HNRNPA1L2: variants seen among roughly 807,000 people sequenced by gnomAD.
HNRNPA1L2 encodes the protein heterogeneous nuclear ribonucleoprotein A1-like 2.
A neutral mutation model predicts 18.2 loss-of-function variants in HNRNPA1L2; 10 were observed. The ratio of observed to expected loss-of-function variants is 0.55; its 90% CI spans 0.34 to 0.93. The LOEUF (loss-of-function observed/expected upper bound fraction) is 0.93. Among genes scored for constraint, HNRNPA1L2 ranks in the 40% least tolerant of loss-of-function variants. HNRNPA1L2 has a pLI of 0.02. For missense variants in HNRNPA1L2, 308 were observed against 394.4 expected (o/e 0.78, Z 1.85); for synonymous variants, 124 against 138.6 (o/e 0.89, Z 0.74).
the HNRNPA1L2 span, among the ~76,000 whole-genome samples, chr13:52,628,476 A>T: frequency 6.6e-6 from 1 of 152,142 alleles, no homozygotes; most frequent in Non-Finnish European, 1.5e-5. Flanking sequence ...AAAGAAAACC[A>T]TAAATATCTG....
the HNRNPA1L2 span, among the ~76,000 whole-genome samples, chr13:52,633,529 G>GT: frequency 6.6e-6 from 1 of 152,152 alleles, no homozygotes; most frequent in Non-Finnish European, 1.5e-5. Context: ...ATAGAAGTTA[G>GT]TTTTTTGGAT....
At chr13:52,639,896 G>GTTTTTTTTTT (rs1199414232), upstream of HNRNPA1L2, among the ~76,000 whole-genome samples, 3 of 70,704 alleles carry the variant, frequency 4.2e-5, no homozygotes, top group African/African-American at 1.8e-4. Context: ...TTTTTTTTTT[G>GTTTTTTTTTT]TTTTTTTTTT....
At chr13:52,619,935 A>G in the HNRNPA1L2 span, among the ~76,000 whole-genome samples, 8 of 151,216 alleles carry the variant, frequency 5.3e-5, no homozygotes, top group Admixed American at 4.6e-4. Context: ...AAAAAAAAAA[A>G]AAAAAAAAGA....
the HNRNPA1L2 span, among the ~76,000 whole-genome samples, chr13:52,619,648 G>A: frequency 2.6e-5 from 4 of 151,974 alleles, no homozygotes; most frequent in South Asian, 2.1e-4. Context: ...TAGGCTGGGC[G>A]TGGTGGCTCA....
At chr13:52,640,594 G>A (rs1961626624), upstream of HNRNPA1L2, among the ~76,000 whole-genome samples, 1 of 152,176 alleles carries the variant, frequency 6.6e-6, no homozygotes, top group Non-Finnish European at 1.5e-5. Flanking sequence ...CATGTATTGG[G>A]TAAGGTATCA....
chr13:52,635,831 G>GTTT, the HNRNPA1L2 span, among the ~76,000 whole-genome samples: 27 of 131,772 alleles, frequency 2.0e-4, 1 homozygote, highest in Admixed American at 3.2e-4. Flanking sequence ...CTGTATTACT[G>GTTT]TTTTTTTTTT....
chr13:52,642,660 CTTTGGG>C lies in HNRNPA1L2; in HGVS notation c.173_178del (p.Gly58_Phe59del). The C allele has an allele frequency of 1.2e-6, 2 of 1,611,154 alleles. No homozygotes were observed. The highest frequency in any genetic ancestry group is 1.7e-6 in the Non-Finnish European group (2 of 1,179,844). On this transcript the variant is annotated inframe_deletion, in exon 1 of 1. Coordinates refer to ENST00000357495, the MANE Select transcript of HNRNPA1L2 (RefSeq NM_001389320.1). ...ATCCAAACACCAAGCGCTCCAGGGG[CTTTGGG>C]TTTGTCACATATGCCACTGTGGAGG...
chr13:52,633,191 A>G, the HNRNPA1L2 span, among the ~76,000 whole-genome samples: 18 of 152,246 alleles, frequency 1.2e-4, no homozygotes, highest in African/African-American at 3.9e-4. Context: ...ACATAAAGAC[A>G]TAGTGGTTCC....
At position 52,642,864 on chromosome 13, in the gene HNRNPA1L2, T is replaced by C. The variant is rs201409236; in HGVS notation, c.372T>C (p.Tyr124=). Residue 124 remains tyrosine, a synonymous_variant, in exon 1 of 1, where the codon TAT becomes TAC. Coordinates refer to ENST00000357495, the MANE Select transcript of HNRNPA1L2 (RefSeq NM_001389320.1). The part of the protein sequence containing the change: ...EDTEEHHLRD[Y]FEQYGKIEVI... ...CTGAAGAACATCACCTAAGAGATTA[T>C]TTTGAACAGTATGGAAAAATTGAAG... 2,712 of 1,596,600 alleles carry C rather than the reference T, an allele frequency of 1.7e-3. 3 individuals carry two copies. The highest frequency in any genetic ancestry group is 3.6e-3 in the Middle Eastern group (16 of 4,446).
chr13:52,640,266 C>T (rs1961616637), upstream of HNRNPA1L2, among the ~76,000 whole-genome samples: 1 of 152,142 alleles, frequency 6.6e-6, no homozygotes, highest in Admixed American at 6.5e-5. Context: ...AATGCAAATT[C>T]TTTGGTTACA....
chr13:52,637,462 A>G (rs1961496260), upstream of HNRNPA1L2: 2 of 246,214 alleles, frequency 8.1e-6, no homozygotes, highest in Non-Finnish European at 8.1e-6. Context: ...TGTTAATTCC[A>G]GGGGTTATAA....
At chr13:52,617,639 G>A in the HNRNPA1L2 span, 1 of 470,036 alleles carries the variant, frequency 2.1e-6, no homozygotes, top group Admixed American at 3.6e-5. Context: ...GGAGACATCA[G>A]CGGCTGCAAT....
At chr13:52,621,870 A>G in the HNRNPA1L2 span, 4 of 138,528 alleles carry the variant, frequency 2.9e-5, no homozygotes, top group Admixed American at 2.8e-4. Flanking sequence ...TATGGTTGTT[A>G]ATAATTATAA....
At position 52,642,722 on chromosome 13, in the gene HNRNPA1L2, A is replaced by T. The variant is rs373926075; in HGVS notation, c.230A>T (p.His77Leu). Residue 77 changes from histidine (H) to leucine (L), a missense_variant, in exon 1 of 1, where the codon CAC becomes CTC. By Grantham distance (99) the His-to-Leu change is moderately conservative. Transcript: ENST00000357495. ...EVDAAMNTTP[H>L]KVDGRVVEPK... is the part of the protein sequence containing the mutation. ...GATGCAGCTATGAATACAACGCCAC[A>T]CAAGGTGGATGGAAGAGTTGTGGAA... 8.7e-6 allele frequency: 14 copies of T among 1,603,404 alleles called. No individual in the cohort carries two copies. In the African/African-American group the frequency reaches 1.6e-4, roughly 18 times the overall value.
the HNRNPA1L2 span, among the ~76,000 whole-genome samples, chr13:52,633,002 A>G: frequency 6.6e-6 from 1 of 152,214 alleles, no homozygotes; most frequent in Non-Finnish European, 1.5e-5. Context: ...GAGACATACC[A>G]CACTACAGTT....
the HNRNPA1L2 span, among the ~76,000 whole-genome samples, chr13:52,636,408 A>T: frequency 1.3e-5 from 2 of 152,242 alleles, no homozygotes; most frequent in South Asian, 4.1e-4. Context: ...TGGTCGGAAT[A>T]TGGCTCATTT....
At position 52,643,187 on chromosome 13, in the gene HNRNPA1L2, G is replaced by C. The variant is rs367867452; in HGVS notation, c.695G>C (p.Cys232Ser). 1 of 1,597,386 alleles carries C rather than the reference G, an allele frequency of 6.3e-7. No homozygotes were observed. Among genetic ancestry groups the C allele is most frequent in the African/African-American group, 1.3e-5 (1 of 74,966 alleles). ...FSGRGGFGGSCGGGGYGGSGD... is the reference protein window; with the variant it reads ...FSGRGGFGGSSGGGGYGGSGD... ...GGTCGTGGTGGCTTTGGTGGCAGCT[G>C]TGGTGGTGGTGGATATGGTGGCAGT... The change falls in exon 1 of 1, where the codon TGT (cysteine) becomes TCT (serine). Residue 232 changes from cysteine to serine, a missense_variant. Physicochemically the swap from Cys to Ser is moderately radical, Grantham distance 112. Coordinates refer to ENST00000357495, the MANE Select transcript of HNRNPA1L2 (RefSeq NM_001389320.1).
the HNRNPA1L2 span, chr13:52,617,609 C>G: frequency 2.1e-6 from 1 of 474,354 alleles, no homozygotes; most frequent in African/African-American, 2.0e-5. Flanking sequence ...TTCCTGCCAC[C>G]CTTTGTCCCC....
chr13:52,642,717 G>A lies in HNRNPA1L2; in HGVS notation c.225G>A (p.Thr75=), dbSNP rs1215576895. The change falls in exon 1 of 1, where the codon ACG becomes ACA. Residue 75 remains threonine, a synonymous_variant. Transcript: ENST00000357495. ...VEEVDAAMNT[T]PHKVDGRVVE... ...AGGTGGATGCAGCTATGAATACAACGCCACACAAGGTGGATGGAAGAGTTG... is the reference window on the plus strand; with the variant it reads ...AGGTGGATGCAGCTATGAATACAACACCACACAAGGTGGATGGAAGAGTTG... The A allele has an allele frequency of 5.0e-6, 8 of 1,603,950 alleles. No individual in the cohort carries two copies. The highest frequency in any genetic ancestry group is 3.3e-5 in the Admixed American group (2 of 60,000).
Sources: gnomAD v4.1 joint callset for allele counts (sites outside exome capture counted in the v4.1 genomes callset) on GRCh38, gnomAD v4.1.1 for gene constraint, MANE v1.5 for transcripts, NCBI Gene and HGNC (gene_info 2026-07-23, HGNC 2026-07-21) for gene names.